Variants in C21orf58 observed in about 807,000 individuals in gnomAD.
C21orf58 encodes the protein uncharacterized protein C21orf58.
A neutral mutation model predicts 35.8 loss-of-function variants in C21orf58; 34 were observed. That is an observed-to-expected ratio of 0.95 (90% CI 0.72 to 1.26). The LOEUF is 1.26. Ranked by LOEUF, C21orf58 falls within the 50% of genes most tolerant of loss-of-function variation. The probability of loss-of-function intolerance (pLI) is 0.00; values close to 1 mark genes in which losing one functional copy is unlikely to be tolerated. For missense variants in C21orf58, 440 were observed against 414.3 expected (o/e 1.06, Z -0.54); for synonymous variants, 191 against 175.8 (o/e 1.09, Z -0.68).
Position 46,301,393 on chromosome 21 carries a change from T to C in C21orf58, c.*606A>G. 1 of 775,092 alleles carries C rather than the reference T, an allele frequency of 1.3e-6. No individual in the cohort carries two copies. The highest frequency in any genetic ancestry group is 1.6e-6 in the Non-Finnish European group (1 of 638,068). The allele number at this position is 775,092 out of a possible 1,614,324, so 48.0% of individuals were successfully genotyped here. ...AATTCCTGAGCTCAAGTGATCCTCC[T>C]GCCTCAGCCTCTTAAAGTGCTGGGA... On this transcript the variant is annotated 3_prime_UTR_variant, in exon 8 of 8. Coordinates refer to ENST00000291691, the MANE Select transcript of C21orf58 (RefSeq NM_058180.5).
chr21:46,317,149 C>G, intron 3 of C21orf58, 59 bp downstream of exon 3: 1 of 1,541,334 alleles, frequency 6.5e-7, no homozygotes, highest in South Asian at 1.2e-5. Context: ...GTGGCTCCCC[C>G]TGGAGTGGCT....
chr21:46,301,743 G>T lies in C21orf58; in HGVS notation c.*256C>A. 8.2e-7 allele frequency: 1 copy of T among 1,215,114 alleles called. No homozygotes were observed. Among genetic ancestry groups the T allele is most frequent in the Non-Finnish European group, 1.0e-6 (1 of 977,506 alleles). The allele number at this position is 1,215,114 out of a possible 1,614,324, so 75.3% of individuals were successfully genotyped here. A position where few individuals can be genotyped will look rare whatever the true frequency, so the allele number is the denominator to read the frequency against. On this transcript the variant is annotated 3_prime_UTR_variant, in exon 8 of 8. Coordinates refer to ENST00000291691, the MANE Select transcript of C21orf58 (RefSeq NM_058180.5). ...AGGAAAGGAGGGGTCCCTGGGAGGG[G>T]CTGTTGCCCTGGTGGGGTTCACAGG...
At position 46,318,171 on chromosome 21, in the gene C21orf58, C is replaced by A; in HGVS notation, c.150G>T (p.Trp50Cys). 6.2e-7 allele frequency: 1 copy of A among 1,613,020 alleles called. No homozygotes were observed. The highest frequency in any genetic ancestry group is 1.3e-5 in the African/African-American group (1 of 75,022). The change falls in exon 2 of 8, where the codon TGG becomes TGT. Residue 50 changes from tryptophan (W) to cysteine (C), a missense_variant. Transcript: ENST00000291691. ...KARPAGNTGA[W>C]APAEQFFPAS... Reference sequence around the variant, plus strand: ...CAGGAAAGAACTGCTCAGCAGGAGCCCAAGCACCGGTGTTGCCTGCAGGGC... The same window carrying A: ...CAGGAAAGAACTGCTCAGCAGGAGCACAAGCACCGGTGTTGCCTGCAGGGC...
intron 6 of C21orf58, among the ~76,000 whole-genome samples, chr21:46,309,482 CTCAGTT>C (rs1280135982): frequency 6.6e-6 from 1 of 151,060 alleles, no homozygotes; most frequent in Non-Finnish European, 1.5e-5. Context: ...AAAAAAATTA[CTCAGTT>C]TCAGATATTC....
chr21:46,302,564 A>AGCT lies in C21orf58; in HGVS notation c.731_733dup (p.Glu244_Leu245insGln). The AGCT allele has an allele frequency of 6.2e-7, 1 of 1,611,794 alleles. No individual in the cohort carries two copies. Among genetic ancestry groups the AGCT allele is most frequent in the East Asian group, 2.2e-5 (1 of 44,804 alleles). On this transcript the variant is annotated inframe_insertion, in exon 7 of 8. Transcript: ENST00000291691. ...CACCTGTGCGTTCTGCAGCAGCAGC[A>AGCT]GCTCCACCATGTCTGCAGGGAAGAA...
intron 3 of C21orf58, among the ~76,000 whole-genome samples, chr21:46,316,945 CCT>C (rs1402140649): frequency 2.0e-5 from 3 of 152,210 alleles, no homozygotes; most frequent in Non-Finnish European, 4.4e-5. Context: ...GGGTGAGCAA[CCT>C]CTCTGCCTCC....
At chr21:46,309,226 C>T (rs912953489) in intron 6 of C21orf58, among the ~76,000 whole-genome samples, 1 of 151,780 alleles carries the variant, frequency 6.6e-6, no homozygotes, top group East Asian at 1.9e-4. Context: ...TTTAGGAGGC[C>T]GAGGCAGGCA....
chr21:46,308,046 T>TC (rs2082501717), intron 6 of C21orf58, among the ~76,000 whole-genome samples: 1 of 151,690 alleles, frequency 6.6e-6, no homozygotes, highest in Admixed American at 6.6e-5. Context: ...CAGGCTGGAG[T>TC]ACAAAGGCAC....
chr21:46,307,444 A>C (rs537922361), intron 6 of C21orf58, among the ~76,000 whole-genome samples: 74 of 152,036 alleles, frequency 4.9e-4, no homozygotes, highest in African/African-American at 1.7e-3. Flanking sequence ...AGGCACACAC[A>C]CACCCACACA....
chr21:46,320,537 A>T (rs1432474137), intron 1 of C21orf58: 2 of 121,718 alleles, frequency 1.6e-5, no homozygotes, highest in African/African-American at 3.3e-5. Context: ...AAAAAAAAAA[A>T]GGGTATCAGG....
chr21:46,315,998 C>T (rs1238088425), intron 3 of C21orf58, among the ~76,000 whole-genome samples: 1 of 152,056 alleles, frequency 6.6e-6, no homozygotes, highest in African/African-American at 2.4e-5. Flanking sequence ...TCAAGTCTGC[C>T]CCCTAGTCCG....
chr21:46,308,483 T>C (rs563143809), intron 6 of C21orf58, among the ~76,000 whole-genome samples: 19 of 152,174 alleles, frequency 1.2e-4, no homozygotes, highest in African/African-American at 4.6e-4. Flanking sequence ...TTAAATCTCA[T>C]ATGATTCAGA....
At chr21:46,317,455 C>T in intron 2 of C21orf58, 187 bp from the exon 3 acceptor site, 1 of 926,152 alleles carries the variant, frequency 1.1e-6, no homozygotes, top group South Asian at 1.6e-5. Context: ...GTAAGCCTGA[C>T]CTCTAGCAAA....
chr21:46,303,708 A>ATACATATATATAT (rs1357923290), intron 6 of C21orf58, among the ~76,000 whole-genome samples: 1 of 37,290 alleles, frequency 2.7e-5, no homozygotes, highest in Admixed American at 4.7e-4. Flanking sequence ...ACACACACAA[A>ATACATATATATAT]ATATATATAT....
At chr21:46,313,171 C>T (rs1377455522) in intron 5 of C21orf58, 1 of 480,532 alleles carries the variant, frequency 2.1e-6, no homozygotes, top group Non-Finnish European at 2.7e-6. Flanking sequence ...CAGCTACGGA[C>T]AATGTGGAAA....
chr21:46,319,908 TAAA>T (rs1363919193), intron 1 of C21orf58, among the ~76,000 whole-genome samples: 1 of 149,784 alleles, frequency 6.7e-6, no homozygotes, highest in Non-Finnish European at 1.5e-5. Flanking sequence ...GGAAAAAAAA[TAAA>T]AAAAATAAAA....
At chr21:46,309,633 TA>T (rs1307393763) in intron 6 of C21orf58, among the ~76,000 whole-genome samples, 1 of 152,062 alleles carries the variant, frequency 6.6e-6, no homozygotes, top group Admixed American at 6.6e-5. Flanking sequence ...TGATGAATCT[TA>T]AAACAGTCAT....
intron 5 of C21orf58, among the ~76,000 whole-genome samples, chr21:46,313,608 G>A (rs533319973): frequency 2.0e-5 from 3 of 152,204 alleles, no homozygotes; most frequent in Non-Finnish European, 2.9e-5. Flanking sequence ...AAGATGGGGG[G>A]TCCACAGCAA....
At chr21:46,303,207 T>C (rs1272115294) in intron 6 of C21orf58, among the ~76,000 whole-genome samples, 2 of 151,140 alleles carry the variant, frequency 1.3e-5, no homozygotes, top group African/African-American at 4.9e-5. Context: ...GTTGTAGTGG[T>C]GCATGCCTGT....
Sources: allele counts gnomAD v4.1 joint callset (sites outside exome capture counted in the v4.1 genomes callset), GRCh38; gene constraint gnomAD v4.1.1; transcripts MANE v1.5; gene names NCBI Gene and HGNC (gene_info 2026-07-23, HGNC 2026-07-21).